The following SYNDIG1 variants were observed in gnomAD, a reference collection of about 807,000 sequenced individuals.
SYNDIG1 encodes synapse differentiation inducing 1.
In SYNDIG1, 9 loss-of-function variants were observed where a neutral mutation model predicts 19.4. The observed-to-expected ratio is 0.46, with a 90% CI of 0.28 to 0.81. SYNDIG1 has a LOEUF of 0.81. SYNDIG1 is among the 30% of genes least tolerant of loss of function. The pLI is 0.12. For synonymous variants in SYNDIG1, 141 were observed against 145.9 expected, an observed-to-expected ratio of 0.97 and a Z score of 0.24; for missense variants, 311 against 343.3, an observed-to-expected ratio of 0.91 and a Z score of 0.74.
chr20:24,603,287 A>G (rs1024566243), intron 3 of SYNDIG1, among the ~76,000 whole-genome samples: 3 of 152,108 alleles, frequency 2.0e-5, no homozygotes, highest in Non-Finnish European at 4.4e-5. Context: ...ATGCTGCCAA[A>G]TCCTCTGAGC....
chr20:24,490,731 C>T (rs2056122982), intron 1 of SYNDIG1, among the ~76,000 whole-genome samples: 1 of 152,200 alleles, frequency 6.6e-6, no homozygotes, highest in African/African-American at 2.4e-5. Context: ...TCAGCCAAGG[C>T]TAGCACCAGG....
chr20:24,663,512 T>A (rs1417954662), intron 3 of SYNDIG1, among the ~76,000 whole-genome samples: 1 of 152,066 alleles, frequency 6.6e-6, no homozygotes, highest in Non-Finnish European at 1.5e-5. Flanking sequence ...GTGCCCCAGT[T>A]AGAGAAGTAT....
chr20:24,502,329 C>T (rs1466291956), intron 1 of SYNDIG1: 1 of 152,256 alleles, frequency 6.6e-6, no homozygotes, highest in African/African-American at 2.4e-5. Context: ...GCTTTCTCCC[C>T]ATCACTAAGT....
chr20:24,613,582 G>T (rs2058882419), intron 3 of SYNDIG1, among the ~76,000 whole-genome samples: 1 of 151,958 alleles, frequency 6.6e-6, no homozygotes, highest in African/African-American at 2.4e-5. Context: ...CGCACCCCCT[G>T]CCTTGGCACC....
At chr20:24,531,274 G>A (rs2057253619) in intron 1 of SYNDIG1, among the ~76,000 whole-genome samples, 1 of 152,096 alleles carries the variant, frequency 6.6e-6, no homozygotes, top group Non-Finnish European at 1.5e-5. Flanking sequence ...GGATGGACAT[G>A]GAATACTATG....
chr20:24,607,168 TG>T (rs2058767891), intron 3 of SYNDIG1, among the ~76,000 whole-genome samples: 1 of 152,116 alleles, frequency 6.6e-6, no homozygotes, highest in African/African-American at 2.4e-5. Context: ...GAGACCAGCC[TG>T]GCCAACATGG....
intron 1 of SYNDIG1, among the ~76,000 whole-genome samples, chr20:24,536,956 G>A (rs77370820): frequency 0.012 from 1,899 of 152,174 alleles, 41 homozygotes; most frequent in African/African-American, 0.043. Context: ...GAGGACCACC[G>A]CATCTGTCAG....
chr20:24,567,223 G>A (rs950155041), intron 2 of SYNDIG1, among the ~76,000 whole-genome samples: 7 of 152,184 alleles, frequency 4.6e-5, no homozygotes, highest in African/African-American at 1.7e-4. Context: ...CAGAGTCCCT[G>A]CTGGAGTGCT....
intron 1 of SYNDIG1, among the ~76,000 whole-genome samples, chr20:24,533,344 C>G (rs577796063): frequency 3.0e-4 from 46 of 152,236 alleles, no homozygotes; most frequent in East Asian, 9.6e-4. Flanking sequence ...ATATTTACCC[C>G]CTTCTCCAGT....
intron 1 of SYNDIG1, among the ~76,000 whole-genome samples, chr20:24,526,241 A>G (rs1208840490): frequency 1.3e-5 from 2 of 152,060 alleles, no homozygotes; most frequent in African/African-American, 4.8e-5. Flanking sequence ...TGGATCTGCT[A>G]TTATCCTAGT....
intron 1 of SYNDIG1, among the ~76,000 whole-genome samples, chr20:24,481,946 A>AAT (rs1200668422): frequency 2.6e-5 from 4 of 152,228 alleles, no homozygotes; most frequent in East Asian, 1.9e-4. Flanking sequence ...ATAAAGATTA[A>AAT]ATATATATAT....
chr20:24,535,705 C>G (rs1395428604), intron 1 of SYNDIG1, among the ~76,000 whole-genome samples: 1 of 152,172 alleles, frequency 6.6e-6, no homozygotes, highest in Non-Finnish European at 1.5e-5. Flanking sequence ...GGTGACACCA[C>G]TCTGAGTCTG....
At chr20:24,612,186 C>T (rs1051482861) in intron 3 of SYNDIG1, among the ~76,000 whole-genome samples, 1 of 152,250 alleles carries the variant, frequency 6.6e-6, no homozygotes, top group Non-Finnish European at 1.5e-5. Flanking sequence ...TAATTCTCAT[C>T]ACCACTTAGG....
chr20:24,469,741 C>T lies in SYNDIG1; in HGVS notation c.-91C>T, dbSNP rs1452694053. On this transcript the variant is annotated 5_prime_UTR_variant, in exon 1 of 4. Transcript: ENST00000376862. ...CCGCTTGGGCGCACTTGCCGGGTCA[C>T]CTTGTCCCGGAGGTAAGTCCAGACC... The T allele has an allele frequency of 6.6e-6, 1 of 151,766 alleles. No homozygotes were observed. Among genetic ancestry groups the T allele is most frequent in the Non-Finnish European group, 1.5e-5 (1 of 67,964 alleles). 9.4% of individuals were successfully genotyped at this position (151,766 alleles called of 1,614,324 possible).
At chr20:24,578,656 C>T (rs750567268) in intron 2 of SYNDIG1, among the ~76,000 whole-genome samples, 14 of 152,178 alleles carry the variant, frequency 9.2e-5, no homozygotes, top group Non-Finnish European at 2.1e-4. Flanking sequence ...GCAAGCTAGG[C>T]ACATGTGCAT....
At chr20:24,575,925 T>C (rs1392538695) in intron 2 of SYNDIG1, among the ~76,000 whole-genome samples, 1 of 152,218 alleles carries the variant, frequency 6.6e-6, no homozygotes, top group Non-Finnish European at 1.5e-5. Flanking sequence ...TCAGGGACTC[T>C]GAGACATCCA....
chr20:24,642,326 T>G (rs2059386550), intron 3 of SYNDIG1, among the ~76,000 whole-genome samples: 1 of 152,142 alleles, frequency 6.6e-6, no homozygotes, highest in Non-Finnish European at 1.5e-5. Flanking sequence ...CAGTGTGGCT[T>G]GTTGCTGTTG....
chr20:24,509,099 G>T (rs1416543276), intron 1 of SYNDIG1, among the ~76,000 whole-genome samples: 1 of 152,194 alleles, frequency 6.6e-6, no homozygotes, highest in Non-Finnish European at 1.5e-5. Flanking sequence ...TGTAATTTTA[G>T]CAGAAACCCC....
At chr20:24,486,889 C>T (rs1172622072) in intron 1 of SYNDIG1, among the ~76,000 whole-genome samples, 1 of 152,076 alleles carries the variant, frequency 6.6e-6, no homozygotes, top group African/African-American at 2.4e-5. Context: ...GATCTCCTGA[C>T]CTCGTGATCC....
Sources: allele counts gnomAD v4.1 joint callset (sites outside exome capture counted in the v4.1 genomes callset), GRCh38; gene constraint gnomAD v4.1.1; transcripts MANE v1.5; gene names NCBI Gene and HGNC (gene_info 2026-07-23, HGNC 2026-07-21).